C10orf67: variants seen among roughly 807,000 people sequenced by gnomAD.
C10orf67 encodes chromosome 10 open reading frame 67, also known as uncharacterized protein C10orf67, mitochondrial.
In C10orf67, 60 loss-of-function variants were observed where a neutral mutation model predicts 35.6. The observed-to-expected ratio is 1.68, with a 90% CI of 1.37 to 2.09. The LOEUF (loss-of-function observed/expected upper bound fraction) is 2.09, where lower values mean the gene tolerates loss of function less well. Ranked by LOEUF, C10orf67 falls within the 30% of genes most tolerant of loss-of-function variation. C10orf67 has a pLI of 0.00. For synonymous variants in C10orf67, 167 were observed against 115.8 expected, an observed-to-expected ratio of 1.44 and a Z score of -2.84; for missense variants, 474 against 330.2, an observed-to-expected ratio of 1.44 and a Z score of -3.38.
chr10:23,264,533 C>A (rs1842836551), intron 10 of C10orf67, among the ~76,000 whole-genome samples: 1 of 152,130 alleles, frequency 6.6e-6, no homozygotes, highest in Admixed American at 6.6e-5. Flanking sequence ...TGAAATGACA[C>A]CTTCTCAGAG....
chr10:23,278,994 G>A (rs974220586), intron 8 of C10orf67, among the ~76,000 whole-genome samples: 1 of 152,200 alleles, frequency 6.6e-6, no homozygotes, highest in African/African-American at 2.4e-5. Flanking sequence ...GCTCATGCCT[G>A]TAATCCCAAC....
At chr10:23,246,624 T>C (rs1842322449) in intron 12 of C10orf67, among the ~76,000 whole-genome samples, 1 of 152,172 alleles carries the variant, frequency 6.6e-6, no homozygotes, top group South Asian at 2.1e-4. Context: ...ATGGACTGCA[T>C]ATACAATGGT....
intron 10 of C10orf67, among the ~76,000 whole-genome samples, chr10:23,257,913 C>T (rs1233372584): frequency 6.6e-6 from 1 of 151,930 alleles, no homozygotes; most frequent in Non-Finnish European, 1.5e-5. Context: ...CATACACATC[C>T]CCCCCACACA....
chr10:23,306,300 C>A (rs1340631775), intron 4 of C10orf67, among the ~76,000 whole-genome samples: 2 of 151,934 alleles, frequency 1.3e-5, no homozygotes, highest in African/African-American at 4.8e-5. Flanking sequence ...CCTAGGCGGG[C>A]AAATCATCAG....
At chr10:23,213,298 T>C (rs12250282) in intron 15 of C10orf67, among the ~76,000 whole-genome samples, 3,814 of 152,204 alleles carry the variant, frequency 0.025, 165 homozygotes, top group African/African-American at 0.087. Flanking sequence ...GTACAGGCAA[T>C]ATTTGAAAAG....
intron 7 of C10orf67, among the ~76,000 whole-genome samples, chr10:23,288,947 A>AC: frequency 6.6e-6 from 1 of 152,216 alleles, no homozygotes; most frequent in East Asian, 1.9e-4. Context: ...CCACTAAGAG[A>AC]CCAGATAGCG....
At chr10:23,204,373 C>A in intron 15 of C10orf67, 118 bp from the exon 16 acceptor site, 1 of 411,434 alleles carries the variant, frequency 2.4e-6, no homozygotes. Context: ...CTTCCCAGCC[C>A]TGGCCCTAGC....
intron 13 of C10orf67, among the ~76,000 whole-genome samples, chr10:23,233,276 A>C (rs950180667): frequency 1.3e-5 from 2 of 152,240 alleles, no homozygotes; most frequent in African/African-American, 4.8e-5. Context: ...TCCTGATGAC[A>C]TCTTTTTAAA....
intron 1 of C10orf67, among the ~76,000 whole-genome samples, chr10:23,335,898 C>A (rs932103106): frequency 6.6e-6 from 1 of 152,206 alleles, no homozygotes; most frequent in African/African-American, 2.4e-5. Context: ...AGGATTAAGT[C>A]TCCCCACAGT....
In C10orf67 at chr10:23,343,860, A is replaced by C. The variant is rs534423126; in HGVS notation, c.206+709T>G. The C allele has an allele frequency of 4.8e-4, 220 of 457,806 alleles. 1 individual carries two copies. The highest frequency in any genetic ancestry group is 4.1e-3 in the African/African-American group (200 of 49,120). The allele number at this position is 457,806 out of a possible 1,614,324, so 28.4% of individuals were successfully genotyped here. A position where few individuals can be genotyped will look rare whatever the true frequency, so the allele number is the denominator to read the frequency against. On this transcript the variant is annotated intron_variant, in intron 1 of 15. Coordinates refer to ENST00000636213, the MANE Select transcript of C10orf67 (RefSeq NM_001371909.1). ...GGCGTTGAGCGAGGGCCGGGGCGCG[A>C]GGGCTCCGGGGCGGGCCGGCGGGGA...
intron 13 of C10orf67, among the ~76,000 whole-genome samples, chr10:23,226,031 G>A (rs571276074): frequency 3.9e-5 from 6 of 152,100 alleles, no homozygotes; most frequent in African/African-American, 7.2e-5. Context: ...ACAGATCAAC[G>A]AGACAGAAAG....
At chr10:23,228,702 T>A (rs1460703819) in intron 13 of C10orf67, among the ~76,000 whole-genome samples, 2 of 152,104 alleles carry the variant, frequency 1.3e-5, no homozygotes, top group African/African-American at 4.8e-5. Context: ...GACAAAGGGC[T>A]AATATCCAGA....
intron 10 of C10orf67, among the ~76,000 whole-genome samples, chr10:23,259,616 T>C (rs548179220): frequency 5.9e-5 from 9 of 152,148 alleles, no homozygotes; most frequent in African/African-American, 2.2e-4. Context: ...TTGAAAGACT[T>C]TGAAAGAACT....
Position 23,320,798 on chromosome 10 carries a change from T to C in C10orf67, c.489A>G (p.Arg163=). ...CAGCTAACTGCTGATTGAAGGATTTTCTCATCTTATCCTCATTCTGCAAAC... is the reference window on the plus strand; with the variant it reads ...CAGCTAACTGCTGATTGAAGGATTTCCTCATCTTATCCTCATTCTGCAAAC... ...KHYQQNEDKM[R]KSFNQQLADA... is the part of the protein sequence containing the mutation. The change falls in exon 4 of 16, where the codon AGA becomes AGG. Residue 163 remains arginine (R), a synonymous_variant. Coordinates refer to ENST00000636213, the MANE Select transcript of C10orf67 (RefSeq NM_001371909.1). The C allele has an allele frequency of 6.3e-7, 1 of 1,584,042 alleles. No homozygotes were observed. Among genetic ancestry groups the C allele is most frequent in the Non-Finnish European group, 8.6e-7 (1 of 1,163,734 alleles).
At chr10:23,282,374 T>C (rs11013365) in intron 7 of C10orf67, among the ~76,000 whole-genome samples, 1 of 152,184 alleles carries the variant, frequency 6.6e-6, no homozygotes, top group Admixed American at 6.5e-5. Flanking sequence ...CAATTTTACT[T>C]AAGGCTTTAT....
chr10:23,341,922 A>C (rs1225190324), intron 1 of C10orf67, among the ~76,000 whole-genome samples: 13 of 152,148 alleles, frequency 8.5e-5, no homozygotes, highest in Admixed American at 8.5e-4. Context: ...CTGTAATCCC[A>C]GTACTTTGGG....
At chr10:23,327,685 C>T (rs1410835927) in intron 2 of C10orf67, among the ~76,000 whole-genome samples, 1 of 152,072 alleles carries the variant, frequency 6.6e-6, no homozygotes, top group Non-Finnish European at 1.5e-5. Context: ...ATTATCCGGG[C>T]GTGGTGGCGT....
chr10:23,304,560 A>C (rs1564499967), intron 4 of C10orf67, among the ~76,000 whole-genome samples: 1 of 152,166 alleles, frequency 6.6e-6, no homozygotes. Flanking sequence ...GTCCAGGAGC[A>C]GTCCTGCTTG....
Position 23,322,550 on chromosome 10 carries a change from A to G in C10orf67, c.328-13T>C. The G allele has an allele frequency of 6.4e-7, 1 of 1,565,688 alleles. No homozygotes were observed. The highest frequency in any genetic ancestry group is 8.8e-7 in the Non-Finnish European group (1 of 1,142,032). On this transcript the variant is annotated splice_polypyrimidine_tract_variant and intron_variant, in intron 2 of 15. Transcript: ENST00000636213. ...GGGATTTCATCATCTAAAAATGGAA[A>G]ATATTATCCTTAGCGAAGTAACACA... is the stretch of plus-strand genomic sequence containing the variant.
Sources: gnomAD v4.1 joint callset for allele counts (sites outside exome capture counted in the v4.1 genomes callset) on GRCh38, gnomAD v4.1.1 for gene constraint, MANE v1.5 for transcripts, NCBI Gene and HGNC (gene_info 2026-07-23, HGNC 2026-07-21) for gene names.